Variants in LRP1B observed in about 807,000 individuals in gnomAD.
LRP1B encodes the protein low-density lipoprotein receptor-related protein 1B.
In LRP1B, 217 loss-of-function variants were observed where a neutral mutation model predicts 556.6. The ratio of observed to expected loss-of-function variants is 0.39; its 90% confidence interval spans 0.35 to 0.44. The LOEUF (loss-of-function observed/expected upper bound fraction) is 0.44. Ranked by LOEUF, LRP1B falls within the 20% of genes least tolerant of loss-of-function variation. LRP1B has a pLI of 1.00. For synonymous variants in LRP1B, 2,047 were observed against 1,865.8 expected, an observed-to-expected ratio of 1.10 and a Z score of -2.50; for missense variants, 5,053 against 5,620.8, an observed-to-expected ratio of 0.90 and a Z score of 3.23.
At chr2:141,814,349 C>G (rs762435664) in intron 1 of LRP1B, among the ~76,000 whole-genome samples, 6 of 152,118 alleles carry the variant, frequency 3.9e-5, no homozygotes, top group Admixed American at 6.6e-5. Context: ...AGGACCTGCC[C>G]TAACTGCCTG....
At position 141,430,001 on chromosome 2, in the gene LRP1B, C is replaced by G. The variant is rs1238589964; in HGVS notation, c.343+50395G>C. On this transcript the variant is annotated intron_variant, in intron 3 of 90. Transcript: ENST00000389484. Reference sequence around the variant, plus strand: ...CTGTCTGAGGGCCTTTGGTCTTTTACTTATATTTCTCTCTTCACATTTGCA... The same window carrying G: ...CTGTCTGAGGGCCTTTGGTCTTTTAGTTATATTTCTCTCTTCACATTTGCA... 4.6e-5 allele frequency among the ~76,000 whole-genome samples: 7 copies of G among 152,190 alleles called. 1 individual carries two copies. The highest frequency in any genetic ancestry group is 9.7e-5 in the African/African-American group (4 of 41,448).
At chr2:141,650,772 C>G (rs908354299) in intron 2 of LRP1B, among the ~76,000 whole-genome samples, 1 of 151,396 alleles carries the variant, frequency 6.6e-6, no homozygotes, top group Non-Finnish European at 1.5e-5. Context: ...CATTTGAAAA[C>G]CAGGCTATAG....
intron 2 of LRP1B, among the ~76,000 whole-genome samples, chr2:141,620,105 A>T (rs1353200176): frequency 6.6e-6 from 1 of 152,184 alleles, no homozygotes; most frequent in Non-Finnish European, 1.5e-5. Context: ...GGCAGATGCC[A>T]CCATGCCCAG....
intron 1 of LRP1B, among the ~76,000 whole-genome samples, chr2:141,970,785 G>A (rs1257315175): frequency 6.6e-6 from 1 of 151,370 alleles, no homozygotes; most frequent in East Asian, 1.9e-4. Flanking sequence ...ATTTCCAAAG[G>A]ATAAAGAAAG....
chr2:140,394,288 C>T lies in LRP1B; in HGVS notation c.10415-8279G>A, dbSNP rs544274854. Reference sequence around the variant, plus strand: ...CTACTTCCACTACCACAAGGGAGGACGGCCTGACCTAGGGTGGCGTACTGT... The same window carrying T: ...CTACTTCCACTACCACAAGGGAGGATGGCCTGACCTAGGGTGGCGTACTGT... On this transcript the variant is annotated intron_variant, in intron 66 of 90. Coordinates refer to ENST00000389484, the MANE Select transcript of LRP1B (RefSeq NM_018557.3). 1.8e-3 allele frequency among the ~76,000 whole-genome samples: 267 copies of T among 152,222 alleles called. 3 individuals are homozygous for T. Among genetic ancestry groups the T allele is most frequent in the Non-Finnish European group, 2.0e-3 (135 of 68,016 alleles).
intron 25 of LRP1B, among the ~76,000 whole-genome samples, chr2:140,869,737 T>C (rs896926810): frequency 2.0e-5 from 3 of 151,966 alleles, no homozygotes; most frequent in African/African-American, 7.2e-5. Flanking sequence ...AGACCATCAG[T>C]TTCTTGTTTC....
At chr2:140,534,471 G>A (rs968936837) in intron 46 of LRP1B, among the ~76,000 whole-genome samples, 1 of 152,092 alleles carries the variant, frequency 6.6e-6, no homozygotes, top group Non-Finnish European at 1.5e-5. Context: ...CAATAAATAT[G>A]TAACTCAAAT....
intron 86 of LRP1B, among the ~76,000 whole-genome samples, chr2:140,256,363 GTCTCCCCCTTAAA>G (rs1681678345): frequency 6.8e-6 from 1 of 147,058 alleles, no homozygotes; most frequent in South Asian, 2.2e-4. Context: ...TTTAACCTTA[GTCTCCCCCTTAAA>G]TCTCTCTTCT....
intron 2 of LRP1B, among the ~76,000 whole-genome samples, chr2:141,484,231 A>G (rs1474739633): frequency 6.9e-6 from 1 of 145,624 alleles, no homozygotes; most frequent in Non-Finnish European, 1.5e-5. Context: ...TCCTTTCCCC[A>G]TTGCTTGTTT....
chr2:140,232,070 G>A lies in LRP1B; in HGVS notation c.*1116C>T, dbSNP rs183110995. The A allele has an allele frequency of 6.8e-6, 1 of 147,352 alleles. No homozygotes were observed. Among genetic ancestry groups the A allele is most frequent in the East Asian group, 2.2e-4 (1 of 4,538 alleles). 9.1% of individuals were successfully genotyped at this position (147,352 alleles called of 1,614,324 possible). A position where few individuals can be genotyped will look rare whatever the true frequency, so the allele number is the denominator to read the frequency against. On this transcript the variant is annotated 3_prime_UTR_variant, in exon 91 of 91. Transcript: ENST00000389484. ...TTTCGACTCTCCACTTTTGATTATG[G>A]GAAGATCATTGTTCTTCTACAACTT...
intron 2 of LRP1B, among the ~76,000 whole-genome samples, chr2:141,783,722 A>G (rs555768669): frequency 1.3e-5 from 2 of 152,010 alleles, no homozygotes; most frequent in African/African-American, 4.8e-5. Flanking sequence ...TAATGTGATA[A>G]ATTTGATTAA....
intron 11 of LRP1B, among the ~76,000 whole-genome samples, chr2:141,035,899 G>C (rs1698519472): frequency 6.6e-6 from 1 of 152,028 alleles, no homozygotes; most frequent in Non-Finnish European, 1.5e-5. Context: ...TGTTTTAATT[G>C]ATTCTAACTC....
chr2:141,800,058 G>A (rs1695958827), intron 2 of LRP1B, among the ~76,000 whole-genome samples: 1 of 151,796 alleles, frequency 6.6e-6, no homozygotes, highest in South Asian at 2.1e-4. Flanking sequence ...TTCGTCTTTG[G>A]CATATTTATC....
chr2:140,609,138 C>A (rs1316260023), intron 41 of LRP1B, among the ~76,000 whole-genome samples: 1 of 152,244 alleles, frequency 6.6e-6, no homozygotes, highest in Non-Finnish European at 1.5e-5. Context: ...AGAGCATGAA[C>A]TCCGCGGTGC....
rs1041555450 is a variant in LRP1B at position 140,848,880 on chromosome 2, C to T, written c.4939+1222G>A. Among the ~76,000 whole-genome samples the T allele has an allele frequency of 2.6e-5, 4 of 152,056 alleles. No homozygotes were observed. In the East Asian group the frequency reaches 7.7e-4, roughly 29 times the overall value. On this transcript the variant is annotated intron_variant, in intron 29 of 90. Coordinates refer to ENST00000389484, the MANE Select transcript of LRP1B (RefSeq NM_018557.3). Reference sequence around the variant, plus strand: ...CCATGACATGTACATGTATGTCTCACTTCATATATGTTCTCAGTGTTGGGA... The same window carrying T: ...CCATGACATGTACATGTATGTCTCATTTCATATATGTTCTCAGTGTTGGGA...
chr2:140,582,207 TTCTCAATTTTCAC>T (rs1399684226), intron 43 of LRP1B, among the ~76,000 whole-genome samples: 1 of 152,210 alleles, frequency 6.6e-6, no homozygotes, highest in African/African-American at 2.4e-5. Context: ...ACAATAATTA[TTCTCAATTTTCAC>T]TATGCAAATT....
chr2:140,856,857 G>A (rs142276433), intron 27 of LRP1B, among the ~76,000 whole-genome samples: 152 of 151,984 alleles, frequency 1.0e-3, no homozygotes, highest in African/African-American at 3.4e-3. Context: ...ATGCATGTAC[G>A]TAAATGTATG....
chr2:140,539,204 T>C (rs141544217), intron 45 of LRP1B, among the ~76,000 whole-genome samples: 36 of 152,260 alleles, frequency 2.4e-4, no homozygotes, highest in African/African-American at 7.2e-4. Flanking sequence ...TAGGTGTTAG[T>C]ACATGGCCTT....
intron 3 of LRP1B, among the ~76,000 whole-genome samples, chr2:141,313,351 T>C (rs1379278850): frequency 1.3e-5 from 2 of 151,966 alleles, no homozygotes; most frequent in Non-Finnish European, 2.9e-5. Context: ...TCCTCAAATT[T>C]TGTAAAAAAA....
Sources: gnomAD v4.1 joint callset for allele counts (sites outside exome capture counted in the v4.1 genomes callset) on GRCh38, gnomAD v4.1.1 for gene constraint, MANE v1.5 for transcripts, NCBI Gene and HGNC (gene_info 2026-07-23, HGNC 2026-07-21) for gene names.